DCC: variants seen among roughly 807,000 people sequenced by gnomAD.
The protein encoded by DCC is DCC netrin 1 receptor, also known as netrin receptor DCC.
In DCC, 58 loss-of-function variants were observed where a neutral mutation model predicts 172.5. The ratio of observed to expected loss-of-function variants is 0.34; its 90% CI spans 0.27 to 0.42. DCC has a LOEUF of 0.42. Ranked by LOEUF, DCC falls within the 10% of genes least tolerant of loss-of-function variation. DCC has a pLI of 1.00. For missense variants in DCC, 1,740 were observed against 1,791.0 expected (o/e 0.97, Z 0.51); for synonymous variants, 709 against 644.5 (o/e 1.10, Z -1.52).
At chr18:52,469,194 A>T (rs1988876629) in intron 1 of DCC, among the ~76,000 whole-genome samples, 3 of 152,094 alleles carry the variant, frequency 2.0e-5, no homozygotes, top group African/African-American at 7.2e-5. Flanking sequence ...AGTAGCTGGG[A>T]CTACAGGCGT....
chr18:53,316,051 G>A (rs1414488670), intron 13 of DCC, among the ~76,000 whole-genome samples: 1 of 151,104 alleles, frequency 6.6e-6, no homozygotes, highest in Non-Finnish European at 1.5e-5. Flanking sequence ...CCATGCCTAT[G>A]TCCTAGGTTT....
intron 5 of DCC, among the ~76,000 whole-genome samples, chr18:52,942,979 G>T (rs998406055): frequency 2.0e-5 from 3 of 152,080 alleles, no homozygotes; most frequent in African/African-American, 4.8e-5. Flanking sequence ...TTAATTTAAT[G>T]GTAGATATAA....
At chr18:53,262,442 A>G (rs943671875) in intron 12 of DCC, among the ~76,000 whole-genome samples, 9 of 152,124 alleles carry the variant, frequency 5.9e-5, no homozygotes, top group African/African-American at 1.9e-4. Flanking sequence ...TTGTCCCTGG[A>G]TCCTCCTGGC....
At chr18:53,266,643 A>G (rs2144695803) in intron 12 of DCC, among the ~76,000 whole-genome samples, 1 of 152,138 alleles carries the variant, frequency 6.6e-6, no homozygotes, top group South Asian at 2.1e-4. Flanking sequence ...CATCACCACA[A>G]TCTGATTGTA....
intron 20 of DCC, among the ~76,000 whole-genome samples, chr18:53,410,974 T>C (rs1359536933): frequency 6.6e-6 from 1 of 152,142 alleles, no homozygotes; most frequent in East Asian, 1.9e-4. Flanking sequence ...TTAAAATGTA[T>C]TGAATTATGT....
At chr18:52,439,065 A>T (rs1292135441) in intron 1 of DCC, among the ~76,000 whole-genome samples, 1 of 152,132 alleles carries the variant, frequency 6.6e-6, no homozygotes, top group African/African-American at 2.4e-5. Flanking sequence ...GGGAGAAAAA[A>T]AGGTAAATTC....
intron 5 of DCC, among the ~76,000 whole-genome samples, chr18:52,961,388 A>G (rs976452467): frequency 2.0e-5 from 3 of 152,170 alleles, no homozygotes; most frequent in African/African-American, 4.8e-5. Flanking sequence ...GTCATGACCT[A>G]TTACTGGATG....
intron 5 of DCC, among the ~76,000 whole-genome samples, chr18:52,989,495 C>T (rs1411460864): frequency 2.0e-5 from 3 of 152,120 alleles, no homozygotes; most frequent in African/African-American, 7.2e-5. Context: ...GGCACTACAG[C>T]CTGGGCGACA....
chr18:53,377,391 A>AGAGAGAGAGAGAGGG (rs1555661124), intron 15 of DCC, among the ~76,000 whole-genome samples: 2 of 94,466 alleles, frequency 2.1e-5, no homozygotes, highest in Admixed American at 1.3e-4. Flanking sequence ...GAGAGAGAGG[A>AGAGAGAGAGAGAGGG]AGAAGGCCAA....
chr18:52,386,348 T>C (rs973900237), intron 1 of DCC, among the ~76,000 whole-genome samples: 8 of 152,152 alleles, frequency 5.3e-5, no homozygotes, highest in Non-Finnish European at 1.2e-4. Flanking sequence ...TTTCATTTTT[T>C]GCCCTCAAAC....
At chr18:53,367,552 T>A (rs1328647501) in intron 15 of DCC, among the ~76,000 whole-genome samples, 1 of 152,188 alleles carries the variant, frequency 6.6e-6, no homozygotes, top group African/African-American at 2.4e-5. Context: ...TTAATCATTT[T>A]AAAGTATACA....
rs139432522 is a variant in DCC at position 52,684,800 on chromosome 18, G to A, written c.92-67254G>A. Among the ~76,000 whole-genome samples the A allele has an allele frequency of 6.6e-5, 10 of 152,186 alleles. No individual in the cohort carries two copies. The East Asian group carries it at 1.7e-3, about 27-fold the overall frequency. On this transcript the variant is annotated intron_variant, in intron 1 of 28. Coordinates refer to ENST00000442544, the MANE Select transcript of DCC (RefSeq NM_005215.4). ...TAAAGGATCTTCAAGTGTACAGGTG[G>A]CTAATCCGCTTAAACTACTAATGAC...
In DCC at chr18:52,860,074, A is replaced by T. The variant is rs932679569; in HGVS notation, c.413-45970A>T. Among the ~76,000 whole-genome samples the T allele has an allele frequency of 2.6e-5, 4 of 152,232 alleles. 1 individual carries two copies. The East Asian group carries it at 7.7e-4, about 29-fold the overall frequency. ...CCAATGGGCTAGACGTCTATATAGG[A>T]TGCAGCAAATCCATCTCTAATAAGA... is the stretch of plus-strand genomic sequence containing the variant. On this transcript the variant is annotated intron_variant, in intron 2 of 28. Coordinates refer to ENST00000442544, the MANE Select transcript of DCC (RefSeq NM_005215.4).
At chr18:53,402,953 C>T in intron 19 of DCC, 60 bp downstream of exon 19, 1 of 1,178,470 alleles carries the variant, frequency 8.5e-7, no homozygotes. Flanking sequence ...TTGCTTACCC[C>T]CTACATGAGC....
At chr18:52,418,047 C>A (rs1987106434) in intron 1 of DCC, among the ~76,000 whole-genome samples, 1 of 152,116 alleles carries the variant, frequency 6.6e-6, no homozygotes, top group Admixed American at 6.6e-5. Flanking sequence ...TAAAAGAAAA[C>A]AATGGTCAAA....
chr18:52,560,304 A>G lies in DCC; in HGVS notation c.92-191750A>G, dbSNP rs190491547. ...TTATGGACACTGAAATCTGGATTGT[A>G]TATAATTGTATATAATTCTGTGTAT... is the stretch of plus-strand genomic sequence containing the variant. On this transcript the variant is annotated intron_variant, in intron 1 of 28. Transcript: ENST00000442544. Among the ~76,000 whole-genome samples, 98 of 152,344 alleles carry G rather than the reference A, an allele frequency of 6.4e-4. 1 individual carries two copies. The highest frequency in any genetic ancestry group is 2.3e-3 in the African/African-American group (95 of 41,588).
At chr18:53,160,005 GGAA>G (rs1447082244) in intron 8 of DCC, among the ~76,000 whole-genome samples, 1 of 152,090 alleles carries the variant, frequency 6.6e-6, no homozygotes. Context: ...TCAAAGTATA[GGAA>G]GAAGGAGGAT....
chr18:53,290,230 T>C lies in DCC; in HGVS notation c.1912-15348T>C, dbSNP rs1386605170. ...ATTTACCTCATCCCTGGTAGGAATATTTGTTAGGATGCCTGAAGTCTTCAT... is the reference window on the plus strand; with the variant it reads ...ATTTACCTCATCCCTGGTAGGAATACTTGTTAGGATGCCTGAAGTCTTCAT... On this transcript the variant is annotated intron_variant, in intron 12 of 28. Coordinates refer to ENST00000442544, the MANE Select transcript of DCC (RefSeq NM_005215.4). Among the ~76,000 whole-genome samples, 4 of 152,192 alleles carry C rather than the reference T, an allele frequency of 2.6e-5. No homozygotes were observed. In the South Asian group the frequency reaches 8.3e-4, roughly 32 times the overall value.
intron 2 of DCC, among the ~76,000 whole-genome samples, chr18:52,886,317 C>G (rs1254099467): frequency 1.3e-5 from 2 of 152,126 alleles, no homozygotes; most frequent in Non-Finnish European, 2.9e-5. Context: ...CAAGGCCTGC[C>G]AAGAAACTTG....
Sources: allele counts gnomAD v4.1 joint callset (sites outside exome capture counted in the v4.1 genomes callset), GRCh38; gene constraint gnomAD v4.1.1; transcripts MANE v1.5; gene names NCBI Gene and HGNC (gene_info 2026-07-23, HGNC 2026-07-21).